Variants in SMYD3 observed in about 807,000 individuals in gnomAD.
SMYD3 encodes SET and MYND domain containing 3.
In SMYD3, 36 loss-of-function variants were observed where a neutral mutation model predicts 57.7. That is an observed-to-expected ratio of 0.62 (90% CI 0.48 to 0.82). The LOEUF (loss-of-function observed/expected upper bound fraction) is 0.82, where lower values mean the gene tolerates loss of function less well. SMYD3 is among the 40% of genes least tolerant of loss of function. SMYD3 has a pLI of 0.00. For missense variants in SMYD3, 515 were observed against 538.8 expected (o/e 0.96, Z 0.44); for synonymous variants, 211 against 195.0 (o/e 1.08, Z -0.68).
chr1:246,071,273 T>C (rs908034584), intron 5 of SMYD3, among the ~76,000 whole-genome samples: 3 of 152,124 alleles, frequency 2.0e-5, no homozygotes, highest in African/African-American at 7.2e-5. Flanking sequence ...TGGGGATGTG[T>C]AATGCTGAAG....
chr1:245,807,046 T>C lies in SMYD3; in HGVS notation c.1077-42897A>G, dbSNP rs927417214. Among the ~76,000 whole-genome samples the C allele has an allele frequency of 6.0e-5, 9 of 149,308 alleles. No individual in the cohort carries two copies. The East Asian group carries it at 1.4e-3, about 24-fold the overall frequency. On this transcript the variant is annotated intron_variant, in intron 10 of 11. Transcript: ENST00000490107. ...GGCTGAAGGTGTCTTCTGGGACCAG[T>C]CAAGAGTGGGGTGTGGTCAGGCTGC...
chr1:245,917,898 C>A (rs968697556), intron 7 of SMYD3, among the ~76,000 whole-genome samples: 4 of 152,176 alleles, frequency 2.6e-5, no homozygotes, highest in African/African-American at 9.7e-5. Context: ...TTTTGTTATA[C>A]TTAAAAGAAA....
intron 7 of SMYD3, among the ~76,000 whole-genome samples, chr1:245,924,307 G>C (rs777011907): frequency 3.9e-5 from 6 of 151,948 alleles, no homozygotes; most frequent in Non-Finnish European, 8.8e-5. Flanking sequence ...GCTGAATGAG[G>C]AGACAAAAAT....
At chr1:246,354,074 G>A (rs1000507117) in intron 2 of SMYD3, among the ~76,000 whole-genome samples, 2 of 152,148 alleles carry the variant, frequency 1.3e-5, no homozygotes, top group East Asian at 3.8e-4. Context: ...AAATTTAAAA[G>A]AAGGAAAGAA....
intron 8 of SMYD3, among the ~76,000 whole-genome samples, chr1:245,905,316 T>C: frequency 6.6e-6 from 1 of 151,956 alleles, no homozygotes; most frequent in East Asian, 1.9e-4. Flanking sequence ...GTCTTAGCAT[T>C]TCTGGGCCTG....
intron 7 of SMYD3, among the ~76,000 whole-genome samples, chr1:245,926,856 G>A (rs1192811417): frequency 6.6e-6 from 1 of 152,042 alleles, no homozygotes. Context: ...GTCCTTTGCG[G>A]CCCCAGAAAA....
chr1:246,283,503 C>A (rs2064495280), intron 5 of SMYD3, among the ~76,000 whole-genome samples: 1 of 152,186 alleles, frequency 6.6e-6, no homozygotes, highest in Non-Finnish European at 1.5e-5. Flanking sequence ...CCACCCCTGC[C>A]TGCCAATAAT....
At chr1:246,281,916 A>G (rs2064449831) in intron 5 of SMYD3, among the ~76,000 whole-genome samples, 1 of 152,236 alleles carries the variant, frequency 6.6e-6, no homozygotes, top group African/African-American at 2.4e-5. Flanking sequence ...ATCAGAGGAC[A>G]ATGACACACT....
intron 8 of SMYD3, among the ~76,000 whole-genome samples, chr1:245,881,464 A>C (rs2052773390): frequency 6.6e-6 from 1 of 152,170 alleles, no homozygotes; most frequent in Non-Finnish European, 1.5e-5. Flanking sequence ...TTGTTTTATG[A>C]GTAAAAGTCA....
At chr1:246,201,267 C>G (rs1303486747) in intron 5 of SMYD3, among the ~76,000 whole-genome samples, 2 of 152,156 alleles carry the variant, frequency 1.3e-5, no homozygotes, top group Non-Finnish European at 2.9e-5. Context: ...ATGGACACAT[C>G]CACAAAAATT....
intron 7 of SMYD3, among the ~76,000 whole-genome samples, chr1:245,924,372 T>C (rs1471206862): frequency 6.6e-6 from 1 of 152,112 alleles, no homozygotes; most frequent in South Asian, 2.1e-4. Flanking sequence ...ATGGAGAGCC[T>C]TAAATAGCAA....
At chr1:245,927,268 C>T (rs543979310) in intron 7 of SMYD3, among the ~76,000 whole-genome samples, 1 of 152,286 alleles carries the variant, frequency 6.6e-6, no homozygotes, top group South Asian at 2.1e-4. Context: ...TTGCAGCTGT[C>T]TTGTAAGAAG....
chr1:246,042,312 AAC>A (rs1235515913), intron 5 of SMYD3, among the ~76,000 whole-genome samples: 1 of 152,228 alleles, frequency 6.6e-6, no homozygotes, highest in Non-Finnish European at 1.5e-5. Context: ...TAAGATTGGA[AAC>A]AAATTAATAT....
intron 5 of SMYD3, among the ~76,000 whole-genome samples, chr1:245,997,387 A>G (rs2058951757): frequency 6.6e-6 from 1 of 152,248 alleles, no homozygotes. Flanking sequence ...CTGAGCTGCT[A>G]TTTCAGCACG....
intron 5 of SMYD3, among the ~76,000 whole-genome samples, chr1:246,047,854 A>C (rs2059996710): frequency 7.0e-6 from 1 of 141,856 alleles, no homozygotes; most frequent in Admixed American, 7.0e-5. Context: ...GAAAAAAAAA[A>C]AAATGTGAAA....
chr1:245,791,952 T>TTGTG (rs59018021), intron 10 of SMYD3, among the ~76,000 whole-genome samples: 3,825 of 146,192 alleles, frequency 0.026, 92 homozygotes, highest in Admixed American at 0.081. Context: ...AATTTTAAAC[T>TTGTG]TGTGTGTGTG....
At chr1:246,308,522 T>G (rs575800970) in intron 5 of SMYD3, among the ~76,000 whole-genome samples, 66 of 151,784 alleles carry the variant, frequency 4.3e-4, no homozygotes, top group Admixed American at 6.6e-4. Context: ...GGGAGAGAGT[T>G]TCGTCCCAGA....
intron 1 of SMYD3, among the ~76,000 whole-genome samples, chr1:246,368,259 G>C (rs184399660): frequency 6.6e-6 from 1 of 152,264 alleles, no homozygotes; most frequent in East Asian, 1.9e-4. Context: ...TCAACTATGG[G>C]GGTACTATCT....
intron 9 of SMYD3, among the ~76,000 whole-genome samples, chr1:245,862,311 GATTAT>G (rs3086275): frequency 0.56 from 84,348 of 151,794 alleles, 26,595 homozygotes; most frequent in Non-Finnish European, 0.73. Context: ...ACAGTACTAA[GATTAT>G]ATTATACTCT....
Sources: allele counts gnomAD v4.1 joint callset (sites outside exome capture counted in the v4.1 genomes callset), GRCh38; gene constraint gnomAD v4.1.1; transcripts MANE v1.5; gene names NCBI Gene and HGNC (gene_info 2026-07-23, HGNC 2026-07-21).